DRD2: variants seen among roughly 807,000 people sequenced by gnomAD.
The protein encoded by DRD2 is dopamine receptor D2, also known as D(2) dopamine receptor.
In DRD2, 8 loss-of-function variants were observed where a neutral mutation model predicts 38.0. The ratio of observed to expected loss-of-function variants is 0.21; its 90% CI spans 0.12 to 0.38. The LOEUF is 0.38. DRD2 is among the 10% of genes least tolerant of loss of function. The pLI is 1.00. For missense variants in DRD2, 403 were observed against 607.7 expected, an observed-to-expected ratio of 0.66 and a Z score of 3.54; for synonymous variants, 230 against 238.6, an observed-to-expected ratio of 0.96 and a Z score of 0.33.
chr11:113,439,838 C>CAAAAAAAA lies in DRD2; in HGVS notation c.-31-15164_-31-15157dup, dbSNP rs67577307. On this transcript the variant is annotated intron_variant, in intron 1 of 7. Coordinates refer to ENST00000362072, the MANE Select transcript of DRD2 (RefSeq NM_000795.4). ...TGGGTGACAGAGGGAGGCTCTGTCT[C>CAAAAAAAA]AAAAAAAAAAAAAAAAAAAAAAAAA... Among the ~76,000 whole-genome samples, 13 of 16,254 alleles carry CAAAAAAAA rather than the reference C, an allele frequency of 8.0e-4. 4 individuals are homozygous for CAAAAAAAA. The highest frequency in any genetic ancestry group is 0.012 in the East Asian group (2 of 166). 10.7% of individuals were successfully genotyped at this position (16,254 alleles called of 152,430 possible).
chr11:113,422,562 A>AG (rs1172440345), intron 2 of DRD2, among the ~76,000 whole-genome samples: 1 of 152,184 alleles, frequency 6.6e-6, no homozygotes, highest in Non-Finnish European at 1.5e-5. Context: ...ACATGGATCC[A>AG]GGGGGAATTG....
chr11:113,418,060 C>T lies in DRD2; in HGVS notation c.362G>A (p.Ser121Asn). The T allele has an allele frequency of 6.2e-7, 1 of 1,614,204 alleles. No individual in the cohort carries two copies. Among genetic ancestry groups the T allele is most frequent in the African/African-American group, 1.3e-5 (1 of 75,042 alleles). ...GCTGATGGCACACAAGTTCAGGATG[C>T]TCGCCGTGCACATCATGACGTCCAG... is the stretch of plus-strand genomic sequence containing the variant. ...VTLDVMMCTA[S>N]ILNLCAISID... Residue 121 changes from serine (S) to asparagine (N), a missense_variant, in exon 3 of 8, where the codon AGC becomes AAC. By Grantham distance (46) the Ser-to-Asn change is conservative (BLOSUM62 1). This residue lies in a region of DRD2 where 162 missense variants were observed against 254.5 expected (regional missense o/e 0.64). Transcript: ENST00000362072.
At chr11:113,447,253 C>A (rs1213223695) in intron 1 of DRD2, among the ~76,000 whole-genome samples, 1 of 152,166 alleles carries the variant, frequency 6.6e-6, no homozygotes, top group Non-Finnish European at 1.5e-5. Flanking sequence ...GCTGCTGCTG[C>A]CCTGGAATTG....
intron 1 of DRD2, among the ~76,000 whole-genome samples, chr11:113,452,647 C>CT (rs36152573): frequency 1.5e-3 from 212 of 138,146 alleles, no homozygotes; most frequent in Middle Eastern, 3.7e-3. Flanking sequence ...CAGTCCCCAT[C>CT]TTTTTTTTTT....
intron 1 of DRD2, among the ~76,000 whole-genome samples, chr11:113,451,529 T>G (rs1951209574): frequency 6.6e-6 from 1 of 152,218 alleles, no homozygotes; most frequent in African/African-American, 2.4e-5. Context: ...TCTTGCTCTG[T>G]CACCCAGGCT....
chr11:113,458,451 A>G (rs995369256), intron 1 of DRD2, among the ~76,000 whole-genome samples: 3 of 152,168 alleles, frequency 2.0e-5, no homozygotes, highest in Non-Finnish European at 2.9e-5. Flanking sequence ...ACAGCCCTCT[A>G]TGGTTTCTGT....
At position 113,410,993 on chromosome 11, in the gene DRD2, C is replaced by T. The variant is rs539585604; in HGVS notation, c.1139-73G>A. The T allele has an allele frequency of 5.6e-5, 84 of 1,505,956 alleles. No individual in the cohort carries two copies. In the African/African-American group the frequency reaches 5.9e-4, roughly 11 times the overall value. 93.3% of individuals were successfully genotyped at this position (1,505,956 alleles called of 1,614,324 possible). A position where few individuals can be genotyped will look rare whatever the true frequency, so the allele number is the denominator to read the frequency against. On this transcript the variant is annotated intron_variant, in intron 7 of 7. Coordinates refer to ENST00000362072, the MANE Select transcript of DRD2 (RefSeq NM_000795.4). ...CGGCTGGGAACACCCACACCCAGTG[C>T]GCCCTGGCTCGTATGCCAAGACGGT...
chr11:113,434,746 G>T (rs894883933), intron 1 of DRD2, among the ~76,000 whole-genome samples: 5 of 152,108 alleles, frequency 3.3e-5, no homozygotes, highest in African/African-American at 1.2e-4. Context: ...GCACCCTGTG[G>T]GAGGGAAGTC....
intron 1 of DRD2, among the ~76,000 whole-genome samples, chr11:113,446,741 A>G (rs185635024): frequency 6.6e-6 from 1 of 152,236 alleles, no homozygotes; most frequent in Non-Finnish European, 1.5e-5. Context: ...TACAGTACAC[A>G]TTGATGCAAG....
chr11:113,449,582 T>G (rs1359740963), intron 1 of DRD2, among the ~76,000 whole-genome samples: 2 of 151,958 alleles, frequency 1.3e-5, no homozygotes, highest in African/African-American at 2.4e-5. Context: ...CCATCATAGG[T>G]GCACAGTAAA....
intron 2 of DRD2, among the ~76,000 whole-genome samples, chr11:113,423,604 G>T (rs1950906802): frequency 6.6e-6 from 1 of 152,174 alleles, no homozygotes; most frequent in Non-Finnish European, 1.5e-5. Context: ...GAGAAGAGTA[G>T]CATGGACTCC....
At chr11:113,452,469 T>TGTGCGCGCGCGCGC (rs1210531875) in intron 1 of DRD2, among the ~76,000 whole-genome samples, 1 of 118,782 alleles carries the variant, frequency 8.4e-6, no homozygotes, top group African/African-American at 3.6e-5. Context: ...TGTGTGTGTG[T>TGTGCGCGCGCGCGC]GCGCGCGCGC....
intron 2 of DRD2, among the ~76,000 whole-genome samples, chr11:113,421,988 G>A (rs1049368811): frequency 1.3e-5 from 2 of 152,202 alleles, no homozygotes; most frequent in Admixed American, 6.5e-5. Flanking sequence ...GGATCTGTTC[G>A]AAAGACTTAC....
Position 113,412,545 on chromosome 11 carries a change from G to A in DRD2, c.1138+11C>T, listed in dbSNP as rs766177764. On this transcript the variant is annotated intron_variant, in intron 7 of 7. Transcript: ENST00000362072. ...AGACCGGGCTGTGGCCAGCAGCCAG[G>A]GCCGACTCACCGAGAACAATGGCGA... 3.1e-6 allele frequency: 5 copies of A among 1,603,120 alleles called. No homozygotes were observed. The highest frequency in any genetic ancestry group is 4.2e-6 in the Non-Finnish European group (5 of 1,177,208).
chr11:113,424,905 G>A (rs1950925459), intron 1 of DRD2: 2 of 559,830 alleles, frequency 3.6e-6, no homozygotes, highest in Non-Finnish European at 6.4e-6. Context: ...TTTTAAAAAT[G>A]CATAATAAGA....
At chr11:113,455,183 C>T (rs938942957) in intron 1 of DRD2, among the ~76,000 whole-genome samples, 1 of 151,882 alleles carries the variant, frequency 6.6e-6, no homozygotes, top group Non-Finnish European at 1.5e-5. Flanking sequence ...CCCGTCTCTA[C>T]TAAAAAAATT....
chr11:113,428,214 G>A (rs1184333641), intron 1 of DRD2, among the ~76,000 whole-genome samples: 2 of 152,176 alleles, frequency 1.3e-5, no homozygotes, highest in African/African-American at 2.4e-5. Context: ...AAATGTACAG[G>A]GGAATGCTCT....
chr11:113,441,447 A>G (rs1254124249), intron 1 of DRD2, among the ~76,000 whole-genome samples: 2 of 152,206 alleles, frequency 1.3e-5, no homozygotes, highest in Non-Finnish European at 2.9e-5. Context: ...CTCACATAGC[A>G]TTGTTGAAAA....
chr11:113,463,952 C>T (rs1290297096), intron 1 of DRD2, among the ~76,000 whole-genome samples: 1 of 152,116 alleles, frequency 6.6e-6, no homozygotes, highest in Non-Finnish European at 1.5e-5. Flanking sequence ...AAGTTAAGGG[C>T]TGGAGCATTC....
Sources: gnomAD v4.1 joint callset for allele counts (sites outside exome capture counted in the v4.1 genomes callset) on GRCh38, gnomAD v4.1.1 for gene constraint, gnomAD v4.1.1 regional missense constraint, MANE v1.5 for transcripts, NCBI Gene and HGNC (gene_info 2026-07-23, HGNC 2026-07-21) for gene names.